DNAH10: variants seen among roughly 807,000 people sequenced by gnomAD.
DNAH10 encodes axonemal beta dynein heavy chain 10.
In DNAH10, 348 loss-of-function variants were observed where a neutral mutation model predicts 506.6. The observed-to-expected ratio is 0.69, with a 90% CI of 0.63 to 0.75. The LOEUF is 0.75. Among genes scored for constraint, DNAH10 ranks in the 30% least tolerant of loss-of-function variants. DNAH10 has a pLI of 0.00. For missense variants in DNAH10, 5,179 were observed against 5,787.1 expected (o/e 0.89, Z 3.41); for synonymous variants, 2,059 against 2,198.6 (o/e 0.94, Z 1.78).
chr12:123,773,356 T>C (rs890904962), intron 4 of DNAH10, among the ~76,000 whole-genome samples: 7 of 152,206 alleles, frequency 4.6e-5, no homozygotes, highest in African/African-American at 1.7e-4. Context: ...CCTTGTTTGT[T>C]GGAAGGGTAG....
rs951415068 is a variant in DNAH10, at chr12:123,907,364, T to A, written c.9816-1897T>A. On this transcript the variant is annotated intron_variant, in intron 57 of 78. Coordinates refer to ENST00000673944, the MANE Select transcript of DNAH10 (RefSeq NM_001372106.1). The surrounding 1 kb of genome is among the most constrained non-coding windows in gnomAD (Gnocchi z 4.4). ...ATTTTCCTCTAGGGAGGGTAGCATA[T>A]CATTCTCCCTTTCTCATTCCTGAGT... Among the ~76,000 whole-genome samples, 1 of 152,172 alleles carries A rather than the reference T, an allele frequency of 6.6e-6. No homozygotes were observed. Among genetic ancestry groups the A allele is most frequent in the Non-Finnish European group, 1.5e-5 (1 of 68,032 alleles).
chr12:123,832,591 C>T (rs1960685424), intron 26 of DNAH10, among the ~76,000 whole-genome samples: 1 of 152,028 alleles, frequency 6.6e-6, no homozygotes, highest in Admixed American at 6.6e-5. Flanking sequence ...AGTCTGCTCA[C>T]CTTGACCTCC....
In DNAH10 at chr12:123,875,521, C is replaced by T. The variant is rs1225955776; in HGVS notation, c.8199+30C>T. The T allele has an allele frequency of 1.3e-5, 21 of 1,610,830 alleles. No individual in the cohort carries two copies. In the East Asian group the frequency reaches 1.8e-4, roughly 14 times the overall value. ...CTTGATTTTAACTAGAAGTCTAAACCGGAAGACCTTGTGTTGGGGGGAAAC... is the reference window on the plus strand; with the variant it reads ...CTTGATTTTAACTAGAAGTCTAAACTGGAAGACCTTGTGTTGGGGGGAAAC... On this transcript the variant is annotated intron_variant, in intron 47 of 78. Coordinates refer to ENST00000673944, the MANE Select transcript of DNAH10 (RefSeq NM_001372106.1).
chr12:123,845,480 C>T, intron 30 of DNAH10, 120 bp from the exon 31 acceptor site: 1 of 1,364,438 alleles, frequency 7.3e-7, no homozygotes, highest in East Asian at 2.5e-5. Flanking sequence ...CACTTGCTTA[C>T]CTAAAACCTT....
In DNAH10 at chr12:123,859,188, C is replaced by T. The variant is rs373320473; in HGVS notation, c.6669C>T (p.Thr2223=). The T allele has an allele frequency of 1.2e-6, 2 of 1,611,900 alleles. No homozygotes were observed. The highest frequency in any genetic ancestry group is 1.7e-6 in the Non-Finnish European group (2 of 1,179,294). The change falls in exon 38 of 79, where the codon ACC becomes ACT. Residue 2223 remains threonine (T), a synonymous_variant. Coordinates refer to ENST00000673944, the MANE Select transcript of DNAH10 (RefSeq NM_001372106.1). ...TTCAAATGTTCGAGACCATGTTAAC[C>T]CGCCACACGACGATGGTGGTGGGGC... ...KVVQMFETML[T]RHTTMVVGPT...
Position 123,796,704 on chromosome 12 carries a change from C to G in DNAH10, c.2035C>G (p.Leu679Val). The change falls in exon 13 of 79, where the codon CTG becomes GTG. Residue 679 changes from leucine to valine, a missense_variant. This residue lies in a region of DNAH10 where 4,844 missense variants were observed against 5,430.5 expected (regional missense o/e 0.89). Coordinates refer to ENST00000673944, the MANE Select transcript of DNAH10 (RefSeq NM_001372106.1). Reference protein sequence around the residue: ...IFVQNLENPPLYKNHPPVAGA... With the variant: ...IFVQNLENPPVYKNHPPVAGA... ...TGTCCAGAACCTTGAAAATCCACCA[C>G]TGTATAAGAATCACCCTCCAGTAGC... 1 of 1,613,454 alleles carries G rather than the reference C, an allele frequency of 6.2e-7. No homozygotes were observed. The highest frequency in any genetic ancestry group is 1.1e-5 in the South Asian group (1 of 90,750).
In DNAH10 at chr12:123,787,757, C is replaced by T. The variant is rs1467793832; in HGVS notation, c.1422-47C>T. 1 of 1,584,234 alleles carries T rather than the reference C, an allele frequency of 6.3e-7. No individual in the cohort carries two copies. The highest frequency in any genetic ancestry group is 8.6e-7 in the Non-Finnish European group (1 of 1,165,900). On this transcript the variant is annotated intron_variant, in intron 9 of 78. Coordinates refer to ENST00000673944, the MANE Select transcript of DNAH10 (RefSeq NM_001372106.1). This position sits in a 1 kb window ranked among gnomAD's most constrained non-coding sequence, Gnocchi z 4.6. ...CCCCAGCCGGGGAGTGCGGCTCGGA[C>T]CCGGAGCTCCGCCCTCCTCCCATCA...
intron 26 of DNAH10, among the ~76,000 whole-genome samples, chr12:123,832,238 A>G (rs1428310901): frequency 6.6e-6 from 1 of 152,316 alleles, no homozygotes; most frequent in Admixed American, 6.5e-5. Context: ...ATGTACACAC[A>G]GTGTACCTAA....
At chr12:123,834,433 C>G (rs2136537652) in intron 27 of DNAH10, among the ~76,000 whole-genome samples, 1 of 152,262 alleles carries the variant, frequency 6.6e-6, no homozygotes, top group South Asian at 2.1e-4. Flanking sequence ...GTCTTGAACT[C>G]CTGACCTCAA....
chr12:123,928,085 A>C lies in DNAH10; in HGVS notation c.12106-302A>C. On this transcript the variant is annotated intron_variant, in intron 69 of 78. Coordinates refer to ENST00000673944, the MANE Select transcript of DNAH10 (RefSeq NM_001372106.1). The surrounding 1 kb of genome is among the most constrained non-coding windows in gnomAD (Gnocchi z 4.9). ...CTTGCAGCCCTGCTCAGGAGTCCTCAGGGGACAGGAGCGACTGTGTGGGAG... is the reference window on the plus strand; with the variant it reads ...CTTGCAGCCCTGCTCAGGAGTCCTCCGGGGACAGGAGCGACTGTGTGGGAG... The C allele has an allele frequency of 2.0e-6, 1 of 505,188 alleles. No individual in the cohort carries two copies. The highest frequency in any genetic ancestry group is 3.6e-6 in the Non-Finnish European group (1 of 280,740). 31.3% of individuals were successfully genotyped at this position (505,188 alleles called of 1,614,324 possible).
Position 123,836,952 on chromosome 12 carries a change from C to A in DNAH10, c.4902+1424C>A, listed in dbSNP as rs565641928. The stretch of plus-strand genomic sequence containing the variant: ...TCTGTAAGCTCCACATCCTGGGTTC[C>A]GGCTGTTCTCCTGCCTCAGCCTCCG... On this transcript the variant is annotated intron_variant, in intron 28 of 78. Coordinates refer to ENST00000673944, the MANE Select transcript of DNAH10 (RefSeq NM_001372106.1). 2.2e-3 allele frequency among the ~76,000 whole-genome samples: 265 copies of A among 121,960 alleles called. 3 individuals carry two copies. The highest frequency in any genetic ancestry group is 9.2e-3 in the African/African-American group (251 of 27,226). 80.0% of individuals were successfully genotyped at this position (121,960 alleles called of 152,430 possible).
At chr12:123,772,508 T>C (rs779779638) in intron 3 of DNAH10, among the ~76,000 whole-genome samples, 3 of 152,264 alleles carry the variant, frequency 2.0e-5, no homozygotes, top group Non-Finnish European at 4.4e-5. Context: ...GCCTGGCCTA[T>C]GCTTACCAAA....
chr12:123,933,654 G>A (rs1955325045), intron 77 of DNAH10, 143 bp downstream of exon 77: 1 of 972,914 alleles, frequency 1.0e-6, no homozygotes, highest in East Asian at 2.8e-5. Context: ...AATATTTCCT[G>A]TGTCTCTGCA....
Position 123,868,010 on chromosome 12 carries a change from C to T in DNAH10, c.7410C>T (p.Ala2470=), listed in dbSNP as rs1441154248. Residue 2470 remains alanine, a synonymous_variant, in exon 43 of 79, where the codon GCC becomes GCT. Coordinates refer to ENST00000673944, the MANE Select transcript of DNAH10 (RefSeq NM_001372106.1). ...FLEALYCSLG[A]SLLEDGRMKF... ...AGGCTTTGTACTGCTCTCTGGGAGC[C>T]TCCCTGCTTGAGGATGGAAGGATGA... is the stretch of plus-strand genomic sequence containing the variant. The T allele has an allele frequency of 6.2e-7, 1 of 1,613,926 alleles. No homozygotes were observed. The highest frequency in any genetic ancestry group is 1.7e-5 in the Admixed American group (1 of 60,012).
In DNAH10 at chr12:123,914,452, C is replaced by T; in HGVS notation, c.10476C>T (p.Val3492=). 1 of 1,613,810 alleles carries T rather than the reference C, an allele frequency of 6.2e-7. No individual in the cohort carries two copies. The highest frequency in any genetic ancestry group is 1.3e-5 in the African/African-American group (1 of 75,060). Residue 3492 remains valine (V), a synonymous_variant, in exon 61 of 79, where the codon GTC becomes GTT. Coordinates refer to ENST00000673944, the MANE Select transcript of DNAH10 (RefSeq NM_001372106.1). ...CCTGGGAGTTCCGTGACGAGATGGTCAATCGGATTTGGCAAAATGACATCC... is the reference window on the plus strand; with the variant it reads ...CCTGGGAGTTCCGTGACGAGATGGTTAATCGGATTTGGCAAAATGACATCC... ...AFTWEFRDEM[V]NRIWQNDILE... is the part of the protein sequence containing the mutation.
chr12:123,848,713 C>T lies in DNAH10; in HGVS notation c.5950-17C>T. 6.2e-7 allele frequency: 1 copy of T among 1,613,634 alleles called. No individual in the cohort carries two copies. Among genetic ancestry groups the T allele is most frequent in the Non-Finnish European group, 8.5e-7 (1 of 1,179,620 alleles). ...AAGATGAAAATTGCCCTTGTCCTGACATGTCTTTCTTCCTAGGCCGTGGGG... is the reference window on the plus strand; with the variant it reads ...AAGATGAAAATTGCCCTTGTCCTGATATGTCTTTCTTCCTAGGCCGTGGGG... On this transcript the variant is annotated splice_polypyrimidine_tract_variant and intron_variant, in intron 33 of 78. Coordinates refer to ENST00000673944, the MANE Select transcript of DNAH10 (RefSeq NM_001372106.1).
intron 41 of DNAH10, among the ~76,000 whole-genome samples, chr12:123,866,635 T>C (rs1377157714): frequency 2.6e-5 from 4 of 152,164 alleles, no homozygotes; most frequent in African/African-American, 9.7e-5. Context: ...ACTTTTTCTG[T>C]AGAGGGGTAG....
chr12:123,856,012 A>G lies in DNAH10; in HGVS notation c.6439-1044A>G, dbSNP rs572039158. The stretch of plus-strand genomic sequence containing the variant: ...CTTTGAAAAATGCATATTTACATTT[A>G]TATTATTTATATGATCATTATTAAA... On this transcript the variant is annotated intron_variant, in intron 36 of 78. Transcript: ENST00000673944. Among the ~76,000 whole-genome samples the G allele has an allele frequency of 1.1e-4, 16 of 148,558 alleles. No individual in the cohort carries two copies. In the South Asian group the frequency reaches 2.1e-3, roughly 19 times the overall value.
chr12:123,929,681 G>A lies in DNAH10; in HGVS notation c.12534G>A (p.Leu4178=), dbSNP rs756101978. 5.6e-6 allele frequency: 9 copies of A among 1,613,270 alleles called. No individual in the cohort carries two copies. The highest frequency in any genetic ancestry group is 4.5e-5 in the East Asian group (2 of 44,868). Reference sequence around the variant, plus strand: ...CTTTCAAGGTCTGCATGGAAATTCTGAACACGTACTTAACGAAAGCCTTCC... The same window carrying A: ...CTTTCAAGGTCTGCATGGAAATTCTAAACACGTACTTAACGAAAGCCTTCC... ...ESDFQVCMEI[L]NTYLTKAFQQ... The change falls in exon 72 of 79, where the codon CTG becomes CTA. Residue 4178 remains leucine (L), a synonymous_variant. Transcript: ENST00000673944.
Sources: gnomAD v4.1 joint callset for allele counts (sites outside exome capture counted in the v4.1 genomes callset) on GRCh38, gnomAD v4.1.1 for gene constraint, gnomAD v4.1.1 regional missense constraint, Gnocchi (gnomAD v3.1) non-coding constraint, MANE v1.5 for transcripts, NCBI Gene and HGNC (gene_info 2026-07-23, HGNC 2026-07-21) for gene names.